GRIN3A: variants seen among roughly 807,000 people sequenced by gnomAD.
The protein encoded by GRIN3A is glutamate receptor ionotropic, NMDA 3A.
GRIN3A carries 47 observed loss-of-function variants against 92.4 expected under a neutral mutation model. The ratio of observed to expected loss-of-function variants is 0.51; its 90% CI spans 0.40 to 0.65. GRIN3A has a LOEUF of 0.65. GRIN3A is among the 30% of genes least tolerant of loss of function. The probability of loss-of-function intolerance (pLI) is 0.00; values close to 1 mark genes in which losing one functional copy is unlikely to be tolerated. For missense variants in GRIN3A, 1,324 were observed against 1,393.1 expected, an observed-to-expected ratio of 0.95 and a Z score of 0.79; for synonymous variants, 527 against 540.6, an observed-to-expected ratio of 0.97 and a Z score of 0.35.
At chr9:101,617,894 G>A (rs964719664) in intron 5 of GRIN3A, among the ~76,000 whole-genome samples, 2 of 148,532 alleles carry the variant, frequency 1.3e-5, no homozygotes, top group African/African-American at 2.5e-5. Context: ...GAGAATATGC[G>A]GTGTTTGGTT....
At chr9:101,599,187 T>A (rs1312147494) in intron 6 of GRIN3A, among the ~76,000 whole-genome samples, 1 of 152,184 alleles carries the variant, frequency 6.6e-6, no homozygotes, top group African/African-American at 2.4e-5. Context: ...TCTACCGATG[T>A]GTTATTGTAA....
chr9:101,659,060 C>T (rs999522190), intron 3 of GRIN3A, among the ~76,000 whole-genome samples: 4 of 151,778 alleles, frequency 2.6e-5, no homozygotes, highest in Non-Finnish European at 5.9e-5. Flanking sequence ...ATTTTAGACA[C>T]AAAAGGAGCC....
chr9:101,705,312 C>T (rs1478974717), intron 1 of GRIN3A, among the ~76,000 whole-genome samples: 1 of 152,104 alleles, frequency 6.6e-6, no homozygotes, highest in East Asian at 1.9e-4. Context: ...TAGGGCAGCG[C>T]CGCAGAGAAG....
intron 1 of GRIN3A, among the ~76,000 whole-genome samples, chr9:101,699,201 T>G (rs1347533056): frequency 6.6e-6 from 1 of 152,164 alleles, no homozygotes; most frequent in African/African-American, 2.4e-5. Context: ...TGAACAGATA[T>G]TAGCCTAGGC....
rs758651781 is a variant in GRIN3A, at chr9:101,579,074, C to T, written c.2931+122G>A. 3.8e-5 allele frequency: 37 copies of T among 972,920 alleles called. 1 individual carries two copies. Among genetic ancestry groups the T allele is most frequent in the East Asian group, 1.2e-4 (5 of 40,328 alleles). The allele number at this position is 972,920 out of a possible 1,614,324, so 60.3% of individuals were successfully genotyped here. ...AATTCCTTCTGCTCTAATGAGAGTG[C>T]CTACCCCACCCTCGTTATTGTGGTA... On this transcript the variant is annotated intron_variant, in intron 7 of 8. Coordinates refer to ENST00000361820, the MANE Select transcript of GRIN3A (RefSeq NM_133445.3).
Position 101,670,683 on chromosome 9 carries a change from A to G in GRIN3A, c.1729T>C (p.Tyr577His), listed in dbSNP as rs1280211708. 1 of 1,614,048 alleles carries G rather than the reference A, an allele frequency of 6.2e-7. No individual in the cohort carries two copies. Among genetic ancestry groups the G allele is most frequent in the Non-Finnish European group, 8.5e-7 (1 of 1,179,954 alleles). The change falls in exon 3 of 9, where the codon TAT becomes CAT. Residue 577 changes from tyrosine (Y) to histidine (H), a missense_variant. Coordinates refer to ENST00000361820, the MANE Select transcript of GRIN3A (RefSeq NM_133445.3). ...TCCAGCAGATCAATGCAATATCCAT[A>G]GCAGCACTTCTTGAATTTAATGGGC... is the stretch of plus-strand genomic sequence containing the variant. ...TVPIKFKKCC[Y>H]GYCIDLLEKI...
At chr9:101,636,264 G>T (rs777111034) in intron 3 of GRIN3A, among the ~76,000 whole-genome samples, 10 of 152,130 alleles carry the variant, frequency 6.6e-5, no homozygotes, top group Non-Finnish European at 1.3e-4. Context: ...TTGTGTATCT[G>T]CCATATCATT....
At chr9:101,580,934 G>A (rs1243072080) in intron 6 of GRIN3A, among the ~76,000 whole-genome samples, 1 of 152,146 alleles carries the variant, frequency 6.6e-6, no homozygotes, top group Non-Finnish European at 1.5e-5. Context: ...AGTGATTTGT[G>A]TAGATTAAGA....
At chr9:101,594,981 G>A (rs776891278) in intron 6 of GRIN3A, 32 of 1,554,390 alleles carry the variant, frequency 2.1e-5, no homozygotes, top group Non-Finnish European at 2.7e-5. Flanking sequence ...GGGGCGGTGA[G>A]CTCGGGCGGG....
intron 5 of GRIN3A, among the ~76,000 whole-genome samples, chr9:101,617,424 A>G (rs1828475564): frequency 6.6e-6 from 1 of 152,130 alleles, no homozygotes; most frequent in South Asian, 2.1e-4. Context: ...AAGTGTTAAG[A>G]TTCCCTAATG....
In GRIN3A at chr9:101,644,643, G is replaced by A. The variant is rs181227112; in HGVS notation, c.2353-16242C>T. ...AAAATCATACTCATTTATTTAATCCGACAAGTAATTCGTGACTCCATTCTC... is the reference window on the plus strand; with the variant it reads ...AAAATCATACTCATTTATTTAATCCAACAAGTAATTCGTGACTCCATTCTC... On this transcript the variant is annotated intron_variant, in intron 3 of 8. Transcript: ENST00000361820. Among the ~76,000 whole-genome samples the A allele has an allele frequency of 4.6e-3, 705 of 151,884 alleles. 8 individuals carry two copies. The highest frequency in any genetic ancestry group is 0.014 in the African/African-American group (583 of 41,468).
intron 5 of GRIN3A, among the ~76,000 whole-genome samples, chr9:101,615,513 C>T (rs558022802): frequency 7.0e-4 from 106 of 151,924 alleles, no homozygotes; most frequent in African/African-American, 2.5e-3. Flanking sequence ...CCCGCCACCA[C>T]ACCCAGCTAA....
intron 3 of GRIN3A, among the ~76,000 whole-genome samples, chr9:101,643,865 G>A (rs1007972969): frequency 6.6e-6 from 1 of 151,638 alleles, no homozygotes; most frequent in Non-Finnish European, 1.5e-5. Flanking sequence ...ACTTGTAGAA[G>A]CAGAGTAGAA....
At chr9:101,590,029 T>G (rs1828001407) in intron 6 of GRIN3A, among the ~76,000 whole-genome samples, 1 of 152,222 alleles carries the variant, frequency 6.6e-6, no homozygotes, top group Admixed American at 6.5e-5. Flanking sequence ...AAGGTTTTAT[T>G]TAAAATATTG....
At position 101,671,092 on chromosome 9, in the gene GRIN3A, G is replaced by A. The variant is rs376433778; in HGVS notation, c.1320C>T (p.Thr440=). 231 of 1,613,346 alleles carry A rather than the reference G, an allele frequency of 1.4e-4. No individual in the cohort carries two copies. Among genetic ancestry groups the A allele is most frequent in the Non-Finnish European group, 1.9e-4 (221 of 1,179,462 alleles). The change falls in exon 3 of 9, where the codon ACC becomes ACT. Residue 440 remains threonine, a synonymous_variant. Transcript: ENST00000361820. The part of the protein sequence containing the change: ...GQYLSRFLAN[T]TFRGLSGSIR... ...TGGAACCACTGAGGCCTCTGAAAGT[G>A]GTATTGGCTAGAAACCTGGGAAAGA...
At chr9:101,645,954 C>A (rs1039917210) in intron 3 of GRIN3A, among the ~76,000 whole-genome samples, 21 of 151,412 alleles carry the variant, frequency 1.4e-4, no homozygotes, top group Non-Finnish European at 1.3e-4. Context: ...TGTTTGAGAT[C>A]CTTTTATAAC....
intron 1 of GRIN3A, among the ~76,000 whole-genome samples, chr9:101,736,099 G>A (rs977004528): frequency 1.3e-5 from 2 of 152,198 alleles, no homozygotes; most frequent in Non-Finnish European, 2.9e-5. Context: ...TATATCAGAA[G>A]TGGAAGAAGA....
chr9:101,673,202 T>C (rs1276726833), intron 2 of GRIN3A, among the ~76,000 whole-genome samples: 2 of 152,120 alleles, frequency 1.3e-5, no homozygotes, highest in Non-Finnish European at 2.9e-5. Flanking sequence ...TGACCAAATA[T>C]ATGCTTAAAC....
At chr9:101,656,994 A>G (rs898914353) in intron 3 of GRIN3A, among the ~76,000 whole-genome samples, 1 of 151,872 alleles carries the variant, frequency 6.6e-6, no homozygotes, top group African/African-American at 2.4e-5. Flanking sequence ...CTTGTTCTCT[A>G]TGTAAGCAAA....
Sources: gnomAD v4.1 joint callset for allele counts (sites outside exome capture counted in the v4.1 genomes callset) on GRCh38, gnomAD v4.1.1 for gene constraint, MANE v1.5 for transcripts, NCBI Gene and HGNC (gene_info 2026-07-23, HGNC 2026-07-21) for gene names.